RGS3: variants seen among roughly 807,000 people sequenced by gnomAD.
RGS3 encodes regulator of G-protein signalling 3.
RGS3 carries 80 observed loss-of-function variants against 132.6 expected under a neutral mutation model. The observed-to-expected ratio is 0.60, with a 90% CI of 0.50 to 0.73. The LOEUF is 0.73. RGS3 is among the 30% of genes least tolerant of loss of function. RGS3 has a pLI of 0.00. For missense variants in RGS3, 1,382 were observed against 1,530.8 expected (o/e 0.90, Z 1.62); for synonymous variants, 598 against 620.6 (o/e 0.96, Z 0.54).
At chr9:113,494,154 T>G (rs1278231182) in intron 7 of RGS3, among the ~76,000 whole-genome samples, 3 of 152,102 alleles carry the variant, frequency 2.0e-5, no homozygotes, top group Non-Finnish European at 4.4e-5. Context: ...AAACTCTTAC[T>G]GTCAGGATAG....
chr9:113,489,153 A>T (rs570921535), intron 7 of RGS3, among the ~76,000 whole-genome samples: 58 of 152,308 alleles, frequency 3.8e-4, no homozygotes, highest in African/African-American at 1.3e-3. Flanking sequence ...AAGCCGAGGC[A>T]CTTGCTTGAG....
upstream of RGS3, among the ~76,000 whole-genome samples, chr9:113,455,433 C>T (rs1432761676): frequency 1.3e-5 from 2 of 152,220 alleles, no homozygotes; most frequent in Admixed American, 1.3e-4. Flanking sequence ...TCCAGCCTAA[C>T]TGCGAGGGTG....
At chr9:113,593,309 C>T (rs1472051154) in intron 21 of RGS3, among the ~76,000 whole-genome samples, 1 of 152,144 alleles carries the variant, frequency 6.6e-6, no homozygotes, top group Non-Finnish European at 1.5e-5. Context: ...ACCAAACCCC[C>T]TTGAAAGTTT....
intron 17 of RGS3, among the ~76,000 whole-genome samples, chr9:113,527,536 C>T (rs1366315922): frequency 6.6e-6 from 1 of 152,210 alleles, no homozygotes; most frequent in African/African-American, 2.4e-5. Context: ...TCCCTCCCTC[C>T]CCAGTCCATC....
At chr9:113,594,266 G>A (rs143127271) in intron 21 of RGS3, 164 bp from the exon 20 acceptor site, 2 of 1,610,046 alleles carry the variant, frequency 1.2e-6, no homozygotes, top group South Asian at 2.2e-5. Context: ...AAGGTGGGGG[G>A]CCCTACAGAG....
intron 17 of RGS3, among the ~76,000 whole-genome samples, chr9:113,523,659 C>T (rs986509167): frequency 6.6e-6 from 1 of 151,980 alleles, no homozygotes; most frequent in African/African-American, 2.4e-5. Flanking sequence ...GCCCTCCACT[C>T]GTGGGAGGGG....
chr9:113,580,023 G>C (rs772817623), intron 19 of RGS3, among the ~76,000 whole-genome samples: 1 of 152,148 alleles, frequency 6.6e-6, no homozygotes, highest in Non-Finnish European at 1.5e-5. Flanking sequence ...GGTTTCTCGG[G>C]TTTCCTATAA....
At chr9:113,508,413 T>C (rs1831240151) in intron 13 of RGS3, 128 bp from the exon 12 acceptor site, 1 of 845,904 alleles carries the variant, frequency 1.2e-6, no homozygotes, top group Admixed American at 2.0e-5. Context: ...TTACCAGAAC[T>C]GCTGTTTTTC....
chr9:113,532,803 C>G (rs2099590472), intron 18 of RGS3, among the ~76,000 whole-genome samples: 1 of 151,788 alleles, frequency 6.6e-6, no homozygotes, highest in Non-Finnish European at 1.5e-5. Flanking sequence ...GGGGGGAGCT[C>G]TTTCATACTT....
chr9:113,526,563 A>G (rs887477153), intron 17 of RGS3, among the ~76,000 whole-genome samples: 4 of 152,170 alleles, frequency 2.6e-5, no homozygotes, highest in Admixed American at 1.3e-4. Flanking sequence ...CTCAGTCTCT[A>G]TATCTGGAGA....
At chr9:113,523,904 C>T (rs925413099) in intron 17 of RGS3, among the ~76,000 whole-genome samples, 1 of 152,184 alleles carries the variant, frequency 6.6e-6, no homozygotes, top group African/African-American at 2.4e-5. Context: ...AGTGTTCCTC[C>T]TCCTCGGAAA....
chr9:113,568,904 G>A (rs971394349), intron 19 of RGS3, among the ~76,000 whole-genome samples: 15 of 152,234 alleles, frequency 9.9e-5, no homozygotes, highest in Admixed American at 3.9e-4. Flanking sequence ...GGTGGGAGGT[G>A]TGCTAGAGCC....
chr9:113,584,527 T>C, intron 20 of RGS3, 100 bp downstream of exon 18: 1 of 1,298,866 alleles, frequency 7.7e-7, no homozygotes. Flanking sequence ...CCACCCCCAC[T>C]ATCCTGGCAG....
At chr9:113,525,132 C>CTG (rs143034264) in intron 17 of RGS3, among the ~76,000 whole-genome samples, 9 of 150,960 alleles carry the variant, frequency 6.0e-5, no homozygotes, top group African/African-American at 1.5e-4. Flanking sequence ...GGAGAGGGGC[C>CTG]TGTGTGTGTG....
At chr9:113,576,915 A>G (rs1041216833) in intron 19 of RGS3, among the ~76,000 whole-genome samples, 1 of 152,220 alleles carries the variant, frequency 6.6e-6, no homozygotes, top group African/African-American at 2.4e-5. Context: ...GTCTAGAGGG[A>G]AGTGGCAGCA....
chr9:113,553,492 G>GTA (rs1266106764), intron 19 of RGS3, among the ~76,000 whole-genome samples: 2 of 82,982 alleles, frequency 2.4e-5, no homozygotes, highest in Non-Finnish European at 4.6e-5. Flanking sequence ...ATATATATAT[G>GTA]TATATATAAT....
intron 20 of RGS3, among the ~76,000 whole-genome samples, chr9:113,584,712 G>A (rs145467151): frequency 6.6e-6 from 1 of 152,316 alleles, no homozygotes; most frequent in African/African-American, 2.4e-5. Context: ...AGGCCATTGT[G>A]TATTTGGATT....
At chr9:113,574,696 T>C (rs1834432218) in intron 19 of RGS3, among the ~76,000 whole-genome samples, 1 of 152,064 alleles carries the variant, frequency 6.6e-6, no homozygotes, top group Non-Finnish European at 1.5e-5. Flanking sequence ...CTCACAGGGA[T>C]GGGCAGGAAG....
chr9:113,476,393 C>A (rs1829995703), intron 3 of RGS3, among the ~76,000 whole-genome samples: 2 of 152,062 alleles, frequency 1.3e-5, no homozygotes, highest in African/African-American at 4.8e-5. Flanking sequence ...ACTTCAGGGG[C>A]CTGTGTGTCA....
Sources: allele counts gnomAD v4.1 joint callset (sites outside exome capture counted in the v4.1 genomes callset), GRCh38; gene constraint gnomAD v4.1.1; transcripts MANE v1.5; gene names NCBI Gene and HGNC (gene_info 2026-07-23, HGNC 2026-07-21).